The following DLGAP2 variants were observed in gnomAD, a reference collection of about 807,000 sequenced individuals.
DLGAP2 encodes DLG associated protein 2.
In DLGAP2, 26 loss-of-function variants were observed where a neutral mutation model predicts 100.3. That is an observed-to-expected ratio of 0.26 (90% confidence interval 0.19 to 0.36). The LOEUF (loss-of-function observed/expected upper bound fraction) is 0.36. Among genes scored for constraint, DLGAP2 ranks in the 10% least tolerant of loss-of-function variants. DLGAP2 has a pLI of 1.00. For missense variants in DLGAP2, 1,858 were observed against 1,453.2 expected, an observed-to-expected ratio of 1.28 and a Z score of -4.53; for synonymous variants, 886 against 630.1, an observed-to-expected ratio of 1.41 and a Z score of -6.08.
rs139722265 is a variant in DLGAP2 at position 1,182,406 on chromosome 8, G to C, written c.74-76445G>C. 1.8e-3 allele frequency among the ~76,000 whole-genome samples: 274 copies of C among 152,346 alleles called. 3 individuals carry two copies. Among genetic ancestry groups the C allele is most frequent in the Non-Finnish European group, 5.3e-4 (36 of 68,044 alleles). On this transcript the variant is annotated intron_variant, in intron 2 of 14. Transcript: ENST00000637795. ...TGACCCCAACAGAATTGTATCAGTA[G>C]GACCTGAGCGTGCATTTAATGCTCA...
intron 1 of DLGAP2, among the ~76,000 whole-genome samples, chr8:853,522 C>T (rs115810912): frequency 8.5e-4 from 129 of 152,274 alleles, no homozygotes; most frequent in African/African-American, 2.9e-3. Context: ...GGATCCCCCA[C>T]GACATCCAAG....
At chr8:1,230,044 T>C (rs892655435) in intron 2 of DLGAP2, among the ~76,000 whole-genome samples, 1 of 152,050 alleles carries the variant, frequency 6.6e-6, no homozygotes, top group Non-Finnish European at 1.5e-5. Flanking sequence ...GTAAAAGACA[T>C]CCAAATAATA....
intron 2 of DLGAP2, among the ~76,000 whole-genome samples, chr8:967,015 C>T (rs1224092022): frequency 6.6e-6 from 1 of 152,230 alleles, no homozygotes; most frequent in African/African-American, 2.4e-5. Flanking sequence ...GATGCTCCAT[C>T]ACATGTGTCA....
At position 1,188,467 on chromosome 8, in the gene DLGAP2, C is replaced by T. The variant is rs566351261; in HGVS notation, c.74-70384C>T. 8.2e-5 allele frequency among the ~76,000 whole-genome samples: 11 copies of T among 134,008 alleles called. No individual in the cohort carries two copies. The East Asian group carries it at 1.0e-3, about 13-fold the overall frequency. 87.9% of individuals were successfully genotyped at this position (134,008 alleles called of 152,430 possible). ...GACGTTTCCCTCACGGAATCTCGCA[C>T]GCCCGGGACTTCCGTGACGTTTCCC... On this transcript the variant is annotated intron_variant, in intron 2 of 14. Transcript: ENST00000637795.
Position 1,068,480 on chromosome 8 carries a change from T to C in DLGAP2, c.73+160514T>C, listed in dbSNP as rs960397664. Among the ~76,000 whole-genome samples the C allele has an allele frequency of 2.0e-5, 3 of 152,314 alleles. No homozygotes were observed. The East Asian group carries it at 5.8e-4, about 29-fold the overall frequency. ...GCTTGAGGCTGTCTGTGCTGGGTTT[T>C]GGCCTTGCTCAGTGGTGTGCAGGGA... On this transcript the variant is annotated intron_variant, in intron 2 of 14. Coordinates refer to ENST00000637795, the MANE Select transcript of DLGAP2 (RefSeq NM_001346810.2).
At chr8:803,208 G>A (rs897026225) in intron 1 of DLGAP2, among the ~76,000 whole-genome samples, 2 of 151,998 alleles carry the variant, frequency 1.3e-5, no homozygotes, top group Non-Finnish European at 2.9e-5. Flanking sequence ...CTTGAGTGCC[G>A]CTTCCTCCCC....
chr8:844,530 C>T (rs946896584), intron 1 of DLGAP2, among the ~76,000 whole-genome samples: 24 of 152,130 alleles, frequency 1.6e-4, no homozygotes, highest in Non-Finnish European at 1.0e-4. Flanking sequence ...TGTCCTTCGT[C>T]GCCCATCAAG....
At chr8:1,529,237 A>G (rs577576423) in intron 4 of DLGAP2, among the ~76,000 whole-genome samples, 1 of 152,192 alleles carries the variant, frequency 6.6e-6, no homozygotes, top group African/African-American at 2.4e-5. Flanking sequence ...TTGTAAAACC[A>G]TCAGATCTTG....
rs59220880 is a variant in DLGAP2 at position 1,683,954 on chromosome 8, G to GTATATATATATATA, written c.2704+5346_2704+5359dup. On this transcript the variant is annotated intron_variant, in intron 12 of 14. Transcript: ENST00000637795. ...TATATATGTGTATATATATATGTGTGTATATATATATATATATATATATAT... is the reference window on the plus strand; with the variant it reads ...TATATATGTGTATATATATATGTGTGTATATATATATATATATATATATATATATATATATATAT... Among the ~76,000 whole-genome samples, 109 of 74,712 alleles carry GTATATATATATATA rather than the reference G, an allele frequency of 1.5e-3. 1 individual carries two copies. Among genetic ancestry groups the GTATATATATATATA allele is most frequent in the East Asian group, 4.9e-3 (11 of 2,232 alleles). The allele number at this position is 74,712 out of a possible 152,430, so 49.0% of individuals were successfully genotyped here.
In DLGAP2 at chr8:1,330,686, CTGAGTT is replaced by C. The variant is rs1563087046; in HGVS notation, c.106+71804_106+71809del. ...GGGTGGGAGCACCGCTTCATGGGGA[CTGAGTT>C]CTGGGTGGGATTGAGTTCTGGGTGG... On this transcript the variant is annotated intron_variant, in intron 3 of 14. Coordinates refer to ENST00000637795, the MANE Select transcript of DLGAP2 (RefSeq NM_001346810.2). Among the ~76,000 whole-genome samples the C allele has an allele frequency of 3.3e-4, 47 of 143,932 alleles. 2 individuals are homozygous for C. The highest frequency in any genetic ancestry group is 1.1e-3 in the African/African-American group (42 of 37,530). 94.4% of individuals were successfully genotyped at this position (143,932 alleles called of 152,430 possible).
At chr8:1,302,379 C>G (rs914069058) in intron 3 of DLGAP2, 1 of 85,740 alleles carries the variant, frequency 1.2e-5, no homozygotes, top group South Asian at 4.1e-4. Context: ...GAGCTCTGCT[C>G]CATACCTGGG....
At chr8:1,073,846 G>A (rs762822251) in intron 2 of DLGAP2, among the ~76,000 whole-genome samples, 2 of 152,240 alleles carry the variant, frequency 1.3e-5, no homozygotes, top group African/African-American at 4.8e-5. Flanking sequence ...CAGAGTCCAG[G>A]GGAGTAAGTT....
At chr8:1,158,276 G>A (rs1796828171) in intron 2 of DLGAP2, among the ~76,000 whole-genome samples, 1 of 152,182 alleles carries the variant, frequency 6.6e-6, no homozygotes, top group Non-Finnish European at 1.5e-5. Context: ...CCATTATGGT[G>A]CATTATACTG....
chr8:787,789 C>G (rs1821913471), intron 1 of DLGAP2, among the ~76,000 whole-genome samples: 2 of 152,240 alleles, frequency 1.3e-5, no homozygotes, highest in Non-Finnish European at 1.5e-5. Context: ...CACAGTGCCT[C>G]TACACTGGTG....
chr8:1,493,401 C>G (rs558752676), intron 3 of DLGAP2, among the ~76,000 whole-genome samples: 2 of 151,926 alleles, frequency 1.3e-5, no homozygotes, highest in South Asian at 2.1e-4. Flanking sequence ...CTCTGTGGAC[C>G]GAGCGCATAG....
At chr8:1,392,758 G>A (rs1244763416) in intron 3 of DLGAP2, among the ~76,000 whole-genome samples, 2 of 151,848 alleles carry the variant, frequency 1.3e-5, no homozygotes, top group South Asian at 2.1e-4. Context: ...CAGTAGTGAT[G>A]CTCATGGGCT....
chr8:1,462,504 CG>C lies in DLGAP2; in HGVS notation c.107-38861del, dbSNP rs775504331. ...GGGTTGGGAGAAGGTGCTGCTGTCA[CG>C]TGGGCTGGGTGCAGTCGCTGATTTG... On this transcript the variant is annotated intron_variant, in intron 3 of 14. Coordinates refer to ENST00000637795, the MANE Select transcript of DLGAP2 (RefSeq NM_001346810.2). Among the ~76,000 whole-genome samples the C allele has an allele frequency of 1.1e-3, 39 of 35,852 alleles. 3 individuals are homozygous for C. The highest frequency in any genetic ancestry group is 6.4e-3 in the South Asian group (4 of 622). The allele number at this position is 35,852 out of a possible 152,430, so 23.5% of individuals were successfully genotyped here. A position where few individuals can be genotyped will look rare whatever the true frequency, so the allele number is the denominator to read the frequency against.
At chr8:1,036,388 G>A (rs961074040) in intron 2 of DLGAP2, among the ~76,000 whole-genome samples, 1 of 152,276 alleles carries the variant, frequency 6.6e-6, no homozygotes, top group Admixed American at 6.5e-5. Context: ...GGTGTGAGGT[G>A]GGGCTGGCGA....
intron 3 of DLGAP2, among the ~76,000 whole-genome samples, chr8:1,412,153 T>C (rs992054789): frequency 3.3e-5 from 5 of 152,212 alleles, no homozygotes; most frequent in African/African-American, 4.8e-5. Context: ...CTGTGCTCCC[T>C]TTTTAGCTCC....
Sources: allele counts gnomAD v4.1 joint callset (sites outside exome capture counted in the v4.1 genomes callset), GRCh38; gene constraint gnomAD v4.1.1; transcripts MANE v1.5; gene names NCBI Gene and HGNC (gene_info 2026-07-23, HGNC 2026-07-21).